The following BCAS4 variants were observed in gnomAD, a reference collection of about 807,000 sequenced individuals.
BCAS4 encodes breast carcinoma amplified sequence 4.
In BCAS4, 9 loss-of-function variants were observed where a neutral mutation model predicts 15.7. The ratio of observed to expected loss-of-function variants is 0.57; its 90% confidence interval spans 0.34 to 1.00. BCAS4 has a LOEUF of 1.00. Ranked by LOEUF, BCAS4 falls within the 50% of genes least tolerant of loss-of-function variation. BCAS4 has a pLI of 0.02. For synonymous variants in BCAS4, 101 were observed against 99.5 expected (o/e 1.02, Z -0.09); for missense variants, 225 against 239.1 (o/e 0.94, Z 0.39).
rs974482298 is a variant in BCAS4, at chr20:50,803,819, AAG to A, written c.90+8654_90+8655del. ...AGACTCCCAAAAAAAAAAAAAAAAAAAGAGAGAGAAAAATACTGATTGCTTGC... is the reference window on the plus strand; with the variant it reads ...AGACTCCCAAAAAAAAAAAAAAAAAAAGAGAGAAAAATACTGATTGCTTGC... On this transcript the variant is annotated intron_variant, in intron 1 of 4. Coordinates refer to ENST00000371608, the MANE Select transcript of BCAS4 (RefSeq NM_198799.4). Among the ~76,000 whole-genome samples, 197 of 150,212 alleles carry A rather than the reference AAG, an allele frequency of 1.3e-3. 1 individual carries two copies. The highest frequency in any genetic ancestry group is 4.7e-3 in the African/African-American group (187 of 40,114).
At chr20:50,867,708 G>A (rs957384749) in intron 4 of BCAS4, among the ~76,000 whole-genome samples, 4 of 152,324 alleles carry the variant, frequency 2.6e-5, no homozygotes, top group African/African-American at 9.6e-5. Context: ...GAGGTCAGGA[G>A]TTCGAGATCA....
At chr20:50,844,674 A>G (rs987915730) in intron 4 of BCAS4, among the ~76,000 whole-genome samples, 2 of 152,086 alleles carry the variant, frequency 1.3e-5, no homozygotes, top group Non-Finnish European at 2.9e-5. Context: ...CAGAGTCACT[A>G]CTGGGTTTGG....
chr20:50,832,236 A>G (rs1351635139), intron 3 of BCAS4, among the ~76,000 whole-genome samples: 5 of 151,714 alleles, frequency 3.3e-5, no homozygotes, highest in Admixed American at 2.6e-4. Context: ...GCCCAATTTT[A>G]AAAAAAGAAG....
At chr20:50,802,287 C>A (rs1467886777) in intron 1 of BCAS4, among the ~76,000 whole-genome samples, 1 of 152,330 alleles carries the variant, frequency 6.6e-6, no homozygotes, top group Non-Finnish European at 1.5e-5. Flanking sequence ...AGACCAGAGA[C>A]GGATGCTGCG....
intron 4 of BCAS4, among the ~76,000 whole-genome samples, chr20:50,849,353 C>T (rs1341291338): frequency 6.6e-6 from 1 of 152,172 alleles, no homozygotes. Flanking sequence ...GGCTGGGACT[C>T]GGGGCTGCCT....
intron 3 of BCAS4, among the ~76,000 whole-genome samples, chr20:50,835,272 G>A (rs1171800862): frequency 2.1e-5 from 3 of 145,904 alleles, no homozygotes; most frequent in Non-Finnish European, 3.0e-5. Flanking sequence ...TTGAGATGGA[G>A]TCTTGCTGTG....
intron 3 of BCAS4, among the ~76,000 whole-genome samples, chr20:50,833,335 A>G (rs1052123695): frequency 2.6e-5 from 4 of 152,162 alleles, no homozygotes; most frequent in Non-Finnish European, 5.9e-5. Context: ...CCTGAGGAGG[A>G]GGAAGCCGCC....
intron 4 of BCAS4, among the ~76,000 whole-genome samples, chr20:50,858,976 C>T (rs1321475490): frequency 1.3e-5 from 2 of 151,362 alleles, no homozygotes; most frequent in Non-Finnish European, 2.9e-5. Context: ...CCCTGTCACC[C>T]AGGCTGGAGT....
intron 1 of BCAS4, among the ~76,000 whole-genome samples, chr20:50,809,324 C>T (rs2088032750): frequency 6.6e-6 from 1 of 152,108 alleles, no homozygotes; most frequent in South Asian, 2.1e-4. Context: ...ATTCTCCTGC[C>T]TCAGTGTCCC....
intron 2 of BCAS4, among the ~76,000 whole-genome samples, chr20:50,827,127 C>T (rs1362515851): frequency 6.6e-6 from 1 of 152,218 alleles, no homozygotes; most frequent in Non-Finnish European, 1.5e-5. Flanking sequence ...CTTTCTGTTC[C>T]AGGATCCAGT....
chr20:50,857,578 G>A (rs1181318010), intron 4 of BCAS4, among the ~76,000 whole-genome samples: 5 of 152,352 alleles, frequency 3.3e-5, no homozygotes, highest in South Asian at 2.1e-4. Context: ...AAGGGGGACC[G>A]CTGCCATCTG....
chr20:50,823,298 T>C (rs1448638554), intron 2 of BCAS4, among the ~76,000 whole-genome samples: 1 of 151,674 alleles, frequency 6.6e-6, no homozygotes, highest in Non-Finnish European at 1.5e-5. Flanking sequence ...TGAGATTGCA[T>C]CACTGCACTC....
At chr20:50,873,205 T>C (rs1020699353) in intron 4 of BCAS4, among the ~76,000 whole-genome samples, 8 of 152,332 alleles carry the variant, frequency 5.3e-5, no homozygotes, top group South Asian at 2.1e-4. Context: ...CATAATGATA[T>C]TGATTTTTCC....
At position 50,830,283 on chromosome 20, in the gene BCAS4, G is replaced by A. The variant is rs1402485852; in HGVS notation, c.167G>A (p.Arg56Lys). 3.7e-6 allele frequency: 6 copies of A among 1,613,528 alleles called. No individual in the cohort carries two copies. Among genetic ancestry groups the A allele is most frequent in the Non-Finnish European group, 5.1e-6 (6 of 1,179,454 alleles). Residue 56 changes from arginine (R) to lysine (K), a missense_variant, in exon 3 of 5, where the codon AGG becomes AAG. Transcript: ENST00000371608. ...EEFCSLADLI[R>K]SDTSQILEEN... ...GAGCTGTTTTGTTCCTTGCAGATCA[G>A]GAGTGATACTTCACAGATCCTGGAG... is the stretch of plus-strand genomic sequence containing the variant.
At chr20:50,840,404 A>G (rs966359571) in intron 3 of BCAS4, 18 of 645,144 alleles carry the variant, frequency 2.8e-5, no homozygotes, top group Non-Finnish European at 4.8e-5. Context: ...ACCAACATGC[A>G]AGTTCTTTCC....
intron 3 of BCAS4, among the ~76,000 whole-genome samples, chr20:50,836,524 G>A (rs1017736197): frequency 2.6e-5 from 4 of 152,230 alleles, no homozygotes; most frequent in Non-Finnish European, 4.4e-5. Flanking sequence ...ACAAGGCTGA[G>A]AGAGGGATAA....
At chr20:50,820,542 G>C (rs1471885139) in intron 2 of BCAS4, among the ~76,000 whole-genome samples, 4 of 152,210 alleles carry the variant, frequency 2.6e-5, no homozygotes, top group African/African-American at 9.7e-5. Context: ...GGGAAGGCAG[G>C]TCGGGAGGAT....
chr20:50,803,048 G>C (rs1412096688), intron 1 of BCAS4, among the ~76,000 whole-genome samples: 1 of 152,144 alleles, frequency 6.6e-6, no homozygotes, highest in African/African-American at 2.4e-5. Flanking sequence ...AGCTGTGGCG[G>C]TATGCACCTA....
intron 3 of BCAS4, among the ~76,000 whole-genome samples, chr20:50,834,664 T>C (rs757567729): frequency 1.3e-5 from 2 of 152,186 alleles, no homozygotes; most frequent in African/African-American, 2.4e-5. Flanking sequence ...ATAAGCACTA[T>C]CTCATTCCTG....
Sources: gnomAD v4.1 joint callset for allele counts (sites outside exome capture counted in the v4.1 genomes callset) on GRCh38, gnomAD v4.1.1 for gene constraint, MANE v1.5 for transcripts, NCBI Gene and HGNC (gene_info 2026-07-23, HGNC 2026-07-21) for gene names.